The following EHD2 variants were observed in gnomAD, a reference collection of about 807,000 sequenced individuals.
EHD2 encodes EH domain-containing protein 2.
Under a neutral mutation model 41.0 loss-of-function variants are expected in EHD2, and 27 were observed. The observed-to-expected ratio is 0.66, with a 90% CI of 0.49 to 0.91. The LOEUF (loss-of-function observed/expected upper bound fraction) is 0.91. Ranked by LOEUF, EHD2 falls within the 40% of genes least tolerant of loss-of-function variation. The pLI is 0.00. For missense variants in EHD2, 673 were observed against 773.9 expected, an observed-to-expected ratio of 0.87 and a Z score of 1.55; for synonymous variants, 342 against 341.0, an observed-to-expected ratio of 1.00 and a Z score of -0.03.
Position 47,726,158 on chromosome 19 carries a change from G to A in EHD2, c.849G>A (p.Gln283=), listed in dbSNP as rs1019831845. ...AGCAGGACCTCTTCCGCGACATCCA[G>A]GGCCTGCCCCGGCACGCAGCCTTGC... The part of the protein sequence containing the change: ...LEEQDLFRDI[Q]GLPRHAALRK... The change falls in exon 4 of 6, where the codon CAG becomes CAA. Residue 283 remains glutamine (Q), a synonymous_variant. Coordinates refer to ENST00000263277, the MANE Select transcript of EHD2 (RefSeq NM_014601.4). The A allele has an allele frequency of 1.3e-6, 2 of 1,580,428 alleles. No homozygotes were observed. Among genetic ancestry groups the A allele is most frequent in the Non-Finnish European group, 8.6e-7 (1 of 1,164,762 alleles).
At chr19:47,723,976 T>C (rs1973724356) in intron 3 of EHD2, among the ~76,000 whole-genome samples, 1 of 149,186 alleles carries the variant, frequency 6.7e-6, no homozygotes, top group Admixed American at 6.7e-5. Flanking sequence ...TGAGCCACTC[T>C]GTCTGGCCAC....
chr19:47,740,682 G>A (rs770694261), intron 5 of EHD2, among the ~76,000 whole-genome samples, 199 bp from the exon 6 acceptor site: 4 of 152,172 alleles, frequency 2.6e-5, no homozygotes, highest in Non-Finnish European at 2.9e-5. Context: ...GAAGGCGGAC[G>A]TTGCAGTGAG....
intron 3 of EHD2, among the ~76,000 whole-genome samples, chr19:47,724,155 T>C (rs573060941): frequency 6.7e-6 from 1 of 149,958 alleles, no homozygotes; most frequent in South Asian, 2.1e-4. Context: ...CTCGGCTCAC[T>C]GCAACCTCTG....
chr19:47,740,441 A>C lies in EHD2; in HGVS notation c.1081-440A>C, dbSNP rs188727633. Among the ~76,000 whole-genome samples, 713 of 151,802 alleles carry C rather than the reference A, an allele frequency of 4.7e-3. 5 individuals are homozygous for C. The highest frequency in any genetic ancestry group is 0.016 in the East Asian group (83 of 5,144). ...GTGACAGAGCGAGACCCTGTCAAAA[A>C]AAAACAAAACAAAACAAAACAAAAA... is the stretch of plus-strand genomic sequence containing the variant. On this transcript the variant is annotated intron_variant, in intron 5 of 5. Transcript: ENST00000263277.
At chr19:47,723,340 T>G (rs1973716656) in intron 3 of EHD2, among the ~76,000 whole-genome samples, 1 of 152,196 alleles carries the variant, frequency 6.6e-6, no homozygotes, top group South Asian at 2.1e-4. Flanking sequence ...AACAGTTTCA[T>G]TGAGGATTAA....
intron 4 of EHD2, among the ~76,000 whole-genome samples, chr19:47,735,611 A>C (rs1165113203): frequency 1.3e-5 from 2 of 151,850 alleles, no homozygotes; most frequent in Non-Finnish European, 2.9e-5. Flanking sequence ...AAAAAAAAGA[A>C]AAAAAAGCAG....
chr19:47,736,289 G>T, intron 4 of EHD2, 80 bp from the exon 5 acceptor site: 1 of 1,357,178 alleles, frequency 7.4e-7, no homozygotes, highest in Non-Finnish European at 1.0e-6. Flanking sequence ...AGAATCTCTG[G>T]GAGTGGGGCC....
intron 5 of EHD2, among the ~76,000 whole-genome samples, chr19:47,736,797 T>A (rs1966927697): frequency 6.6e-6 from 1 of 152,160 alleles, no homozygotes. Flanking sequence ...CCAGGACTGG[T>A]TTGGTGCTTT....
At chr19:47,717,744 C>G (rs990259741) in intron 2 of EHD2, among the ~76,000 whole-genome samples, 4 of 139,884 alleles carry the variant, frequency 2.9e-5, no homozygotes, top group Non-Finnish European at 6.3e-5. Flanking sequence ...CCGTCTCTAC[C>G]AAAAACACAA....
At chr19:47,726,264 G>T (rs370690163) in intron 4 of EHD2, 40 bp downstream of exon 4, 2 of 1,452,392 alleles carry the variant, frequency 1.4e-6, no homozygotes, top group Non-Finnish European at 1.8e-6. Context: ...TCTTGGAGGA[G>T]GTTTCCTCGG....
chr19:47,736,622 G>A, intron 5 of EHD2, 89 bp downstream of exon 5: 1 of 1,412,982 alleles, frequency 7.1e-7, no homozygotes, highest in Non-Finnish European at 9.4e-7. Context: ...AAAAGCCAGA[G>A]GGATGGATGG....
chr19:47,715,904 A>C (rs1973619894), intron 1 of EHD2, among the ~76,000 whole-genome samples: 1 of 151,790 alleles, frequency 6.6e-6, no homozygotes, highest in Non-Finnish European at 1.5e-5. Context: ...AGTAGCTGGG[A>C]CTACAGGTGG....
At chr19:47,736,678 GT>G in intron 5 of EHD2, 145 bp downstream of exon 5, 1 of 875,288 alleles carries the variant, frequency 1.1e-6, no homozygotes, top group Non-Finnish European at 1.7e-6. Context: ...TGGGAGCATG[GT>G]TTTATGAGTC....
Position 47,716,907 on chromosome 19 carries a change from G to T in EHD2, c.295G>T (p.Ala99Ser), listed in dbSNP as rs574557926. 4 of 1,612,130 alleles carry T rather than the reference G, an allele frequency of 2.5e-6. No homozygotes were observed. The highest frequency in any genetic ancestry group is 4.5e-5 in the East Asian group (2 of 44,870). ...TGAGCCCACCACCGACTGCTTTGTG[G>T]CCGTCATGCACGGGGACACTGAGGG... Reference protein sequence around the residue: ...GPEPTTDCFVAVMHGDTEGTV... With the variant: ...GPEPTTDCFVSVMHGDTEGTV... Residue 99 changes from alanine (A) to serine (S), a missense_variant, in exon 2 of 6, where the codon GCC becomes TCC. Transcript: ENST00000263277.
In EHD2 at chr19:47,718,925, A is replaced by AG. The variant is rs61459818; in HGVS notation, c.502+320dup. On this transcript the variant is annotated intron_variant, in intron 3 of 5. Coordinates refer to ENST00000263277, the MANE Select transcript of EHD2 (RefSeq NM_014601.4). The stretch of plus-strand genomic sequence containing the variant: ...GGGCCTGGACTCCTGGGTCTGAGGG[A>AG]GAGGGGCTGGGCCTGGACTCCTGGG... Among the ~76,000 whole-genome samples the AG allele has an allele frequency of 5.0e-3, 347 of 69,362 alleles. 1 individual carries two copies. The highest frequency in any genetic ancestry group is 0.016 in the African/African-American group (307 of 18,642). The allele number at this position is 69,362 out of a possible 152,430, so 45.5% of individuals were successfully genotyped here.
At chr19:47,737,667 TAAATA>T (rs1410190346) in intron 5 of EHD2, among the ~76,000 whole-genome samples, 3 of 151,726 alleles carry the variant, frequency 2.0e-5, no homozygotes, top group Admixed American at 6.6e-5. Flanking sequence ...AATAAATAAA[TAAATA>T]AAATAAAATA....
intron 3 of EHD2, 92 bp from the exon 4 acceptor site, chr19:47,725,720 T>TATGC: frequency 1.4e-6 from 2 of 1,466,096 alleles, no homozygotes; most frequent in Non-Finnish European, 1.8e-6. Context: ...TACAGTCCAA[T>TATGC]ATGCAAGAGA....
chr19:47,715,495 TGG>T (rs1288149911), intron 1 of EHD2, among the ~76,000 whole-genome samples: 2 of 152,168 alleles, frequency 1.3e-5, no homozygotes, highest in Non-Finnish European at 1.5e-5. Flanking sequence ...GGCATGTGTC[TGG>T]GTCCTTACTG....
chr19:47,715,073 A>ATAAC, intron 1 of EHD2, among the ~76,000 whole-genome samples: 1 of 151,688 alleles, frequency 6.6e-6, no homozygotes, highest in African/African-American at 2.4e-5. Flanking sequence ...AAATAAATAA[A>ATAAC]TAAATAAAAA....
Sources: allele counts gnomAD v4.1 joint callset (sites outside exome capture counted in the v4.1 genomes callset), GRCh38; gene constraint gnomAD v4.1.1; transcripts MANE v1.5; gene names NCBI Gene and HGNC (gene_info 2026-07-23, HGNC 2026-07-21).